Variants in ZNF678 observed in about 807,000 individuals in gnomAD.
ZNF678 encodes the protein hypothetical protein MGC42493.
A neutral mutation model predicts 3.0 loss-of-function variants in ZNF678; 5 were observed. The observed-to-expected ratio is 1.69, with a 90% CI of 0.88 to 3.56. The LOEUF (loss-of-function observed/expected upper bound fraction) is 3.56, where lower values mean the gene tolerates loss of function less well. Among genes scored for constraint, ZNF678 ranks in the 30% most tolerant of loss-of-function variants. The pLI is 0.00. For synonymous variants in ZNF678, 218 were observed against 199.6 expected, an observed-to-expected ratio of 1.09 and a Z score of -0.78; for missense variants, 593 against 605.0, an observed-to-expected ratio of 0.98 and a Z score of 0.21.
At chr1:227,601,481 T>C (rs1260614582) in intron 1 of ZNF678, among the ~76,000 whole-genome samples, 6 of 150,116 alleles carry the variant, frequency 4.0e-5, no homozygotes, top group Admixed American at 6.6e-5. Context: ...AGGTTTTTCT[T>C]TTTTTTTTTC....
At position 227,662,173 on chromosome 1, in the gene ZNF678, C is replaced by T. The variant is rs1182987824; in HGVS notation, c.*6345C>T. On this transcript the variant is annotated 3_prime_UTR_variant, in exon 4 of 4. Coordinates refer to ENST00000343776, the MANE Select transcript of ZNF678 (RefSeq NM_001367909.1). ...ATTTGTCAGCTGTGGAGCAACAGCA[C>T]ACATCTGTATTAATAGCCTGTGTTA... The T allele has an allele frequency of 2.6e-5, 4 of 152,160 alleles. No homozygotes were observed. Among genetic ancestry groups the T allele is most frequent in the Non-Finnish European group, 4.4e-5 (3 of 68,030 alleles). The allele number at this position is 152,160 out of a possible 1,614,324, so 9.4% of individuals were successfully genotyped here. A position where few individuals can be genotyped will look rare whatever the true frequency, so the allele number is the denominator to read the frequency against.
chr1:227,627,993 A>G (rs1193169471), intron 1 of ZNF678, among the ~76,000 whole-genome samples: 5 of 152,224 alleles, frequency 3.3e-5, no homozygotes, highest in Admixed American at 2.6e-4. Flanking sequence ...GAGTTGCACA[A>G]GTGCACAGTG....
intron 1 of ZNF678, among the ~76,000 whole-genome samples, chr1:227,587,138 A>G (rs1486617994): frequency 6.6e-6 from 1 of 152,180 alleles, no homozygotes; most frequent in Non-Finnish European, 1.5e-5. Context: ...GAGAAGTGTT[A>G]TGTCTTACTT....
At chr1:227,584,837 G>A (rs1384149568) in intron 1 of ZNF678, among the ~76,000 whole-genome samples, 2 of 152,212 alleles carry the variant, frequency 1.3e-5, no homozygotes, top group Non-Finnish European at 2.9e-5. Flanking sequence ...AGACTTGTGC[G>A]ATGGCGGACA....
At chr1:227,633,898 A>G (rs942535033) in intron 1 of ZNF678, among the ~76,000 whole-genome samples, 11 of 152,334 alleles carry the variant, frequency 7.2e-5, no homozygotes, top group African/African-American at 2.4e-4. Context: ...AGGGCAGCTA[A>G]GGGAATGCTG....
chr1:227,641,667 A>G (rs1309546108), intron 1 of ZNF678, among the ~76,000 whole-genome samples: 4 of 152,000 alleles, frequency 2.6e-5, no homozygotes, highest in Non-Finnish European at 4.4e-5. Flanking sequence ...ACATCTCACA[A>G]TTGTACAGCA....
At chr1:227,666,548 G>T (rs949507610), downstream of ZNF678, among the ~76,000 whole-genome samples, 2 of 152,116 alleles carry the variant, frequency 1.3e-5, no homozygotes, top group Admixed American at 6.5e-5. Flanking sequence ...GCCTTGACTT[G>T]TGGCTTAGGG....
chr1:227,646,536 C>T lies in ZNF678; in HGVS notation c.-163-8C>T. On this transcript the variant is annotated splice_region_variant and splice_polypyrimidine_tract_variant and intron_variant, in intron 1 of 3. Transcript: ENST00000343776. The stretch of plus-strand genomic sequence containing the variant: ...TTGTAAATACGTGTGTATTTTTCCC[C>T]CCCCCAGGGACTACTGGCATTCAGT... The T allele has an allele frequency of 7.3e-7, 1 of 1,369,914 alleles. No homozygotes were observed. Among genetic ancestry groups the T allele is most frequent in the Non-Finnish European group, 9.8e-7 (1 of 1,023,066 alleles). 84.9% of individuals were successfully genotyped at this position (1,369,914 alleles called of 1,614,324 possible).
chr1:227,588,505 A>AATTTTTTT (rs1657321859), intron 1 of ZNF678, among the ~76,000 whole-genome samples: 2 of 47,810 alleles, frequency 4.2e-5, no homozygotes, highest in South Asian at 8.3e-4. Flanking sequence ...TGTTTTTTTT[A>AATTTTTTT]CTTTTTTTTT....
chr1:227,648,693 C>A (rs1189919709), intron 2 of ZNF678, among the ~76,000 whole-genome samples: 1 of 152,100 alleles, frequency 6.6e-6, no homozygotes, highest in East Asian at 1.9e-4. Context: ...GTGGCAGGTG[C>A]CTGTAATCCC....
rs998656590 is a variant in ZNF678, at chr1:227,659,710, T to G, written c.*3882T>G. 2.6e-5 allele frequency: 4 copies of G among 152,156 alleles called. No individual in the cohort carries two copies. In the East Asian group the frequency reaches 5.8e-4, roughly 22 times the overall value. The allele number at this position is 152,156 out of a possible 1,614,324, so 9.4% of individuals were successfully genotyped here. On this transcript the variant is annotated 3_prime_UTR_variant, in exon 4 of 4. Coordinates refer to ENST00000343776, the MANE Select transcript of ZNF678 (RefSeq NM_001367909.1). The stretch of plus-strand genomic sequence containing the variant: ...AGACTCAGTATTTGGAGCATTGCTA[T>G]CGCTCCATGATGTGTTTAAAAATTA...
intron 1 of ZNF678, among the ~76,000 whole-genome samples, chr1:227,621,974 C>T (rs1390385609): frequency 6.6e-6 from 1 of 152,164 alleles, no homozygotes; most frequent in Non-Finnish European, 1.5e-5. Context: ...AGACAGCAGG[C>T]CCTGAAGGAA....
At chr1:227,671,522 T>C (rs2102820933) in intron 5 of ZNF678, among the ~76,000 whole-genome samples, 1 of 152,318 alleles carries the variant, frequency 6.6e-6, no homozygotes, top group East Asian at 1.9e-4. Context: ...AATCATTGTT[T>C]GCCAGTCTCC....
chr1:227,672,410 A>G (rs1293055925), intron 5 of ZNF678, among the ~76,000 whole-genome samples: 1 of 152,110 alleles, frequency 6.6e-6, no homozygotes, highest in East Asian at 1.9e-4. Flanking sequence ...AGCCTGAGTG[A>G]TTGGGAGGCT....
chr1:227,627,208 G>C (rs937528498), intron 1 of ZNF678, among the ~76,000 whole-genome samples: 41 of 151,750 alleles, frequency 2.7e-4, no homozygotes, highest in African/African-American at 9.9e-4. Flanking sequence ...TGCTATCAAT[G>C]CCTAAGCGAA....
Position 227,655,248 on chromosome 1 carries a change from G to A in ZNF678, c.998G>A (p.Cys333Tyr). Reference protein sequence around the residue: ...CEECGKTFNRCSHLSSHKRIH... With the variant: ...CEECGKTFNRYSHLSSHKRIH... ...GAATGTGGCAAAACTTTTAATCGGT[G>A]TTCACACCTAAGTAGCCATAAGAGA... The change falls in exon 4 of 4, where the codon TGT becomes TAT. Residue 333 changes from cysteine (C) to tyrosine (Y), a missense_variant. Physicochemically the swap from Cys to Tyr is radical, Grantham distance 194. Coordinates refer to ENST00000343776, the MANE Select transcript of ZNF678 (RefSeq NM_001367909.1). 1 of 1,608,860 alleles carries A rather than the reference G, an allele frequency of 6.2e-7. No homozygotes were observed. The highest frequency in any genetic ancestry group is 8.5e-7 in the Non-Finnish European group (1 of 1,178,142).
intron 5 of ZNF678, among the ~76,000 whole-genome samples, chr1:227,667,882 G>A (rs1028528653): frequency 6.6e-6 from 1 of 152,062 alleles, no homozygotes; most frequent in Non-Finnish European, 1.5e-5. Context: ...GAAGAAAAAA[G>A]GATATCTAAT....
intron 1 of ZNF678, among the ~76,000 whole-genome samples, chr1:227,588,679 A>G (rs578171164): frequency 5.6e-4 from 85 of 151,138 alleles, no homozygotes; most frequent in African/African-American, 1.9e-3. Flanking sequence ...ATTTTTTTCT[A>G]TTTTTTAATA....
intron 1 of ZNF678, among the ~76,000 whole-genome samples, chr1:227,608,314 G>A (rs1251195702): frequency 6.6e-6 from 1 of 151,862 alleles, no homozygotes; most frequent in Non-Finnish European, 1.5e-5. Context: ...TAAGAAGGAA[G>A]CATGGTGATT....
Sources: allele counts gnomAD v4.1 joint callset (sites outside exome capture counted in the v4.1 genomes callset), GRCh38; gene constraint gnomAD v4.1.1; transcripts MANE v1.5; gene names NCBI Gene and HGNC (gene_info 2026-07-23, HGNC 2026-07-21).